TRPM8: variants seen among roughly 807,000 people sequenced by gnomAD.
TRPM8 encodes the protein transient receptor potential cation channel subfamily M member 8.
A neutral mutation model predicts 133.7 loss-of-function variants in TRPM8; 110 were observed. The observed-to-expected ratio is 0.82, with a 90% CI of 0.70 to 0.96. The LOEUF (loss-of-function observed/expected upper bound fraction) is 0.96, where lower values mean the gene tolerates loss of function less well. Among genes scored for constraint, TRPM8 ranks in the 40% least tolerant of loss-of-function variants. The pLI is 0.00. For missense variants in TRPM8, 1,291 were observed against 1,379.5 expected (o/e 0.94, Z 1.02); for synonymous variants, 535 against 532.3 (o/e 1.01, Z -0.07).
chr2:233,923,039 T>TG (rs1450842232), intron 1 of TRPM8, among the ~76,000 whole-genome samples: 14 of 152,146 alleles, frequency 9.2e-5, no homozygotes, highest in African/African-American at 2.7e-4. Context: ...GGCTAATTTT[T>TG]TTTGTTGTTG....
At chr2:234,007,755 C>T (rs978361470) in intron 23 of TRPM8, among the ~76,000 whole-genome samples, 1 of 152,192 alleles carries the variant, frequency 6.6e-6, no homozygotes, top group African/African-American at 2.4e-5. Flanking sequence ...ATGTCATAAG[C>T]TCTCCTCCAT....
chr2:234,016,875 T>TA (rs1392207598), intron 25 of TRPM8, among the ~76,000 whole-genome samples: 1 of 152,174 alleles, frequency 6.6e-6, no homozygotes, highest in African/African-American at 2.4e-5. Context: ...TTGCTGCACT[T>TA]ACGTTCTAGT....
intron 1 of TRPM8, among the ~76,000 whole-genome samples, chr2:233,921,040 T>A (rs979764152): frequency 2.6e-5 from 4 of 151,920 alleles, no homozygotes; most frequent in South Asian, 4.2e-4. Flanking sequence ...GGTATTTTTT[T>A]AATAGAGATG....
At chr2:234,011,914 CAAA>C (rs869030520) in intron 24 of TRPM8, among the ~76,000 whole-genome samples, 120 of 81,254 alleles carry the variant, frequency 1.5e-3, no homozygotes, top group East Asian at 6.4e-3. Flanking sequence ...GAGACTGTCT[CAAA>C]AAAAAAAAAA....
intron 24 of TRPM8, among the ~76,000 whole-genome samples, chr2:234,009,418 C>T (rs1386731086): frequency 6.6e-6 from 1 of 152,176 alleles, no homozygotes; most frequent in African/African-American, 2.4e-5. Context: ...GTGGGACATG[C>T]AGAGAGTGGA....
At chr2:233,923,810 A>G (rs1691457948) in intron 1 of TRPM8, among the ~76,000 whole-genome samples, 1 of 152,154 alleles carries the variant, frequency 6.6e-6, no homozygotes. Flanking sequence ...CAACAACAAC[A>G]ACAAACTGTC....
intron 1 of TRPM8, among the ~76,000 whole-genome samples, chr2:233,921,677 C>CTTTTTTTT (rs11373529): frequency 8.4e-5 from 9 of 106,656 alleles, no homozygotes; most frequent in African/African-American, 1.5e-4. Context: ...CTTTTCTTTT[C>CTTTTTTTT]TTTTTTTTTT....
At chr2:233,988,483 A>G (rs797006177) in intron 21 of TRPM8, among the ~76,000 whole-genome samples, 6 of 152,256 alleles carry the variant, frequency 3.9e-5, no homozygotes, top group African/African-American at 1.4e-4. Flanking sequence ...GGGTTTATTC[A>G]ATGAATGAAA....
chr2:233,958,643 A>T (rs1489792080), intron 11 of TRPM8, among the ~76,000 whole-genome samples: 3 of 152,154 alleles, frequency 2.0e-5, no homozygotes, highest in Non-Finnish European at 4.4e-5. Flanking sequence ...CATGAGGAAC[A>T]CTTCCTTTAA....
At position 234,006,846 on chromosome 2, in the gene TRPM8, A is replaced by G; in HGVS notation, c.3131-7A>G. ...ATTTGAATGTTTTCTTTTTCTCATTATTCAAGGTTTCAAAAATGAAGACAA... is the reference window on the plus strand; with the variant it reads ...ATTTGAATGTTTTCTTTTTCTCATTGTTCAAGGTTTCAAAAATGAAGACAA... On this transcript the variant is annotated splice_region_variant and splice_polypyrimidine_tract_variant and intron_variant, in intron 22 of 25. Transcript: ENST00000324695. The G allele has an allele frequency of 6.3e-7, 1 of 1,599,728 alleles. No homozygotes were observed. The highest frequency in any genetic ancestry group is 8.6e-7 in the Non-Finnish European group (1 of 1,167,654).
chr2:233,996,220 C>T, intron 21 of TRPM8, 106 bp from the exon 22 acceptor site: 1 of 1,007,818 alleles, frequency 9.9e-7, no homozygotes, highest in East Asian at 2.4e-5. Flanking sequence ...CCTGTCTGTA[C>T]TTAAGCTATT....
intron 17 of TRPM8, among the ~76,000 whole-genome samples, chr2:233,979,937 GA>G (rs1422246476): frequency 6.6e-6 from 1 of 152,148 alleles, no homozygotes; most frequent in African/African-American, 2.4e-5. Flanking sequence ...AAATGGTGAG[GA>G]TACATCCATC....
intron 1 of TRPM8, among the ~76,000 whole-genome samples, chr2:233,922,384 C>T (rs934647341): frequency 3.9e-5 from 6 of 152,124 alleles, no homozygotes; most frequent in Non-Finnish European, 7.4e-5. Flanking sequence ...AACAGGCTTC[C>T]CCTGTGGCTG....
chr2:233,983,910 C>T (rs1174128355), intron 20 of TRPM8, among the ~76,000 whole-genome samples: 2 of 152,184 alleles, frequency 1.3e-5, no homozygotes, highest in East Asian at 1.9e-4. Flanking sequence ...CTGTTATCCT[C>T]CTGGCCTTGT....
intron 6 of TRPM8, 125 bp downstream of exon 6, chr2:233,942,873 A>G: frequency 1.7e-6 from 2 of 1,152,650 alleles, no homozygotes; most frequent in South Asian, 2.5e-5. Context: ...CTGCCTTTCA[A>G]GGAGTGCCTT....
chr2:234,014,751 A>G, intron 25 of TRPM8, 97 bp downstream of exon 25: 3 of 490,980 alleles, frequency 6.1e-6, no homozygotes, highest in Non-Finnish European at 7.1e-6. Flanking sequence ...TTTTATTTCC[A>G]TAAATTACCA....
chr2:233,948,008 A>C (rs1691086265), intron 8 of TRPM8, among the ~76,000 whole-genome samples: 1 of 152,188 alleles, frequency 6.6e-6, no homozygotes, highest in African/African-American at 2.4e-5. Context: ...TTTTCTAGGA[A>C]TAGCACATTA....
intron 17 of TRPM8, among the ~76,000 whole-genome samples, chr2:233,971,469 G>A (rs527584429): frequency 7.9e-4 from 120 of 152,282 alleles, no homozygotes; most frequent in African/African-American, 2.8e-3. Flanking sequence ...CCTGACACCA[G>A]TGCCCTGTGT....
intron 12 of TRPM8, among the ~76,000 whole-genome samples, chr2:233,961,380 A>T (rs1364767639): frequency 6.6e-6 from 1 of 152,134 alleles, no homozygotes; most frequent in Non-Finnish European, 1.5e-5. Context: ...ATCTCAGCTC[A>T]TTGCAATCTC....
Sources: allele counts gnomAD v4.1 joint callset (sites outside exome capture counted in the v4.1 genomes callset), GRCh38; gene constraint gnomAD v4.1.1; transcripts MANE v1.5; gene names NCBI Gene and HGNC (gene_info 2026-07-23, HGNC 2026-07-21).